RBPJ: variants seen among roughly 807,000 people sequenced by gnomAD.
The protein encoded by RBPJ is recombining binding protein suppressor of hairless.
A neutral mutation model predicts 67.8 loss-of-function variants in RBPJ; 9 were observed. That is an observed-to-expected ratio of 0.13 (90% CI 0.08 to 0.23). RBPJ has a LOEUF of 0.23. Among genes scored for constraint, RBPJ ranks in the 10% least tolerant of loss-of-function variants. The probability of loss-of-function intolerance (pLI) is 1.00; values close to 1 mark genes in which losing one functional copy is unlikely to be tolerated. For synonymous variants in RBPJ, 198 were observed against 203.3 expected (o/e 0.97, Z 0.22); for missense variants, 305 against 595.6 (o/e 0.51, Z 5.08).
chr4:26,131,970 A>G, the RBPJ span, among the ~76,000 whole-genome samples: 1 of 152,222 alleles, frequency 6.6e-6, no homozygotes, highest in African/African-American at 2.4e-5. Context: ...GGTGACACGT[A>G]GGCTCAGAGC....
intron 7 of RBPJ, among the ~76,000 whole-genome samples, chr4:26,427,830 ATGT>A (rs1161627566): frequency 5.9e-5 from 9 of 152,118 alleles, no homozygotes; most frequent in African/African-American, 1.9e-4. Context: ...TTATGTTTGT[ATGT>A]TGTTGGAAGT....
intron 1 of RBPJ, among the ~76,000 whole-genome samples, chr4:26,199,021 A>C (rs866714165): frequency 6.6e-6 from 1 of 151,910 alleles, no homozygotes. Flanking sequence ...ACCACCATTA[A>C]TCTCCGGGAC....
At chr4:26,378,348 G>A (rs1408940502) in intron 1 of RBPJ, among the ~76,000 whole-genome samples, 2 of 151,424 alleles carry the variant, frequency 1.3e-5, no homozygotes, top group South Asian at 2.1e-4. Flanking sequence ...CTTTTTTTGA[G>A]GCCATAGATT....
chr4:26,141,824 C>T, the RBPJ span, among the ~76,000 whole-genome samples: 1 of 152,236 alleles, frequency 6.6e-6, no homozygotes, highest in African/African-American at 2.4e-5. Flanking sequence ...TTCCCAGCCT[C>T]CAGTTCCTGC....
the RBPJ span, among the ~76,000 whole-genome samples, chr4:26,119,758 G>C: frequency 2.8e-4 from 43 of 152,316 alleles, no homozygotes; most frequent in Admixed American, 6.5e-4. Flanking sequence ...GGCATTATCA[G>C]TGTAACGGCC....
intron 1 of RBPJ, among the ~76,000 whole-genome samples, chr4:26,176,232 C>T (rs1716790972): frequency 6.6e-6 from 1 of 152,096 alleles, no homozygotes; most frequent in African/African-American, 2.4e-5. Flanking sequence ...TCAGAAACAC[C>T]CCACTGAAGC....
At position 26,214,978 on chromosome 4, in the gene RBPJ, AGGAAGGAGGGAGGGAGGGAG is replaced by A. The variant is rs1718624832; in HGVS notation, c.-167+51372_-167+51391del. On this transcript the variant is annotated intron_variant, in intron 1 of 4. Coordinates refer to the RBPJ transcript ENST00000512351. ...AAGGAAGGAGGGAGGGAGGGAGGGA[AGGAAGGAGGGAGGGAGGGAG>A]GGAAGGAAGGAAGGAGAGAAAGAAA... 1.7e-4 allele frequency among the ~76,000 whole-genome samples: 4 copies of A among 23,928 alleles called. 1 individual carries two copies. Among genetic ancestry groups the A allele is most frequent in the East Asian group, 2.9e-3 (1 of 340 alleles). 15.7% of individuals were successfully genotyped at this position (23,928 alleles called of 152,430 possible).
intron 2 of RBPJ, among the ~76,000 whole-genome samples, chr4:26,392,359 A>G (rs777515525): frequency 6.6e-6 from 1 of 152,228 alleles, no homozygotes; most frequent in Non-Finnish European, 1.5e-5. Context: ...CAAAGCCCTG[A>G]ACACAAATGT....
chr4:26,378,617 C>A (rs1418516317), intron 1 of RBPJ, among the ~76,000 whole-genome samples: 1 of 152,192 alleles, frequency 6.6e-6, no homozygotes, highest in African/African-American at 2.4e-5. Context: ...TCATTTAGAT[C>A]TTTTCATTCT....
At chr4:26,288,625 A>C (rs1333031923) in intron 1 of RBPJ, among the ~76,000 whole-genome samples, 1 of 152,226 alleles carries the variant, frequency 6.6e-6, no homozygotes, top group Non-Finnish European at 1.5e-5. Flanking sequence ...AGAACTTGCA[A>C]ATTTATTTGT....
chr4:26,184,969 C>T (rs1717179833), intron 1 of RBPJ, among the ~76,000 whole-genome samples: 1 of 151,982 alleles, frequency 6.6e-6, no homozygotes, highest in South Asian at 2.1e-4. Context: ...TGGCAAAGCC[C>T]CGTCTCTACT....
intron 3 of RBPJ, among the ~76,000 whole-genome samples, chr4:26,407,269 T>C (rs1429396018): frequency 6.6e-6 from 1 of 152,220 alleles, no homozygotes; most frequent in East Asian, 1.9e-4. Flanking sequence ...AATTGAGCTA[T>C]GGAATGATTA....
chr4:26,292,290 T>C (rs1026342296), intron 1 of RBPJ, among the ~76,000 whole-genome samples: 1 of 150,800 alleles, frequency 6.6e-6, no homozygotes, highest in African/African-American at 2.4e-5. Context: ...CTTCATAGAT[T>C]TTACATAAAA....
chr4:26,202,970 T>TAAGGAAGGAAGGAAGG lies in RBPJ; in HGVS notation c.-167+39379_-167+39394dup, dbSNP rs145254724. ...GGAAGGAAGAAAGGAAGGAAGGAAA[T>TAAGGAAGGAAGGAAGG]AAGGAAGGAAGGAAGGAAGGAAGGA... is the stretch of plus-strand genomic sequence containing the variant. On this transcript the variant is annotated intron_variant, in intron 1 of 4. Coordinates refer to the RBPJ transcript ENST00000512351. Among the ~76,000 whole-genome samples, 845 of 138,602 alleles carry TAAGGAAGGAAGGAAGG rather than the reference T, an allele frequency of 6.1e-3. 13 individuals carry two copies. The highest frequency in any genetic ancestry group is 0.02 in the African/African-American group (735 of 36,822). 90.9% of individuals were successfully genotyped at this position (138,602 alleles called of 152,430 possible).
At chr4:26,177,612 G>A (rs1480314655) in intron 1 of RBPJ, among the ~76,000 whole-genome samples, 3 of 149,928 alleles carry the variant, frequency 2.0e-5, no homozygotes, top group Non-Finnish European at 4.4e-5. Flanking sequence ...GAAAGAGAAG[G>A]AAAGAAAAAA....
chr4:26,148,268 T>G, the RBPJ span, among the ~76,000 whole-genome samples: 2 of 464 alleles, frequency 4.3e-3, no homozygotes, highest in East Asian at 0.5. Context: ...AAATTTGGGA[T>G]TTTTTCCAGT....
the RBPJ span, among the ~76,000 whole-genome samples, chr4:26,147,017 C>T: frequency 2.0e-5 from 3 of 152,160 alleles, no homozygotes; most frequent in African/African-American, 2.4e-5. Context: ...GAGGGAGTTG[C>T]CCAATGAGGT....
At chr4:26,238,790 AG>A (rs879705501) in intron 1 of RBPJ, among the ~76,000 whole-genome samples, 15 of 152,154 alleles carry the variant, frequency 9.9e-5, no homozygotes, top group Non-Finnish European at 2.2e-4. Context: ...ACAAGGAGGC[AG>A]GTGGCTGGGC....
intron 1 of RBPJ, among the ~76,000 whole-genome samples, chr4:26,221,464 C>T (rs1307641847): frequency 6.6e-6 from 1 of 152,050 alleles, no homozygotes. Flanking sequence ...CAGGGGAATC[C>T]TGTTAAGGGA....
Sources: allele counts gnomAD v4.1 joint callset (sites outside exome capture counted in the v4.1 genomes callset), GRCh38; gene constraint gnomAD v4.1.1; transcripts MANE v1.5; gene names NCBI Gene and HGNC (gene_info 2026-07-23, HGNC 2026-07-21).